The following ZNF831 variants were observed in gnomAD, a reference collection of about 807,000 sequenced individuals.
ZNF831 encodes the protein chromosome 20 open reading frame 174.
ZNF831 carries 59 observed loss-of-function variants against 95.8 expected under a neutral mutation model. That is an observed-to-expected ratio of 0.62 (90% CI 0.50 to 0.77). ZNF831 has a LOEUF of 0.77. ZNF831 is among the 30% of genes least tolerant of loss of function. The probability of loss-of-function intolerance (pLI) is 0.00; values close to 1 mark genes in which losing one functional copy is unlikely to be tolerated. For synonymous variants in ZNF831, 961 were observed against 925.5 expected, an observed-to-expected ratio of 1.04 and a Z score of -0.70; for missense variants, 2,205 against 2,164.0, an observed-to-expected ratio of 1.02 and a Z score of -0.38.
chr20:59,153,870 C>G (rs1568728446), intron 2 of ZNF831, among the ~76,000 whole-genome samples: 1 of 152,216 alleles, frequency 6.6e-6, no homozygotes, highest in African/African-American at 2.4e-5. Flanking sequence ...TTTTCATCTA[C>G]TCCTTCAAGG....
At chr20:59,147,213 G>A (rs541110797) in intron 2 of ZNF831, among the ~76,000 whole-genome samples, 1 of 152,344 alleles carries the variant, frequency 6.6e-6, no homozygotes, top group Admixed American at 6.5e-5. Context: ...GCAGTCAGGG[G>A]ATGAATCAGT....
chr20:59,132,441 A>G (rs1031936606), intron 1 of ZNF831, among the ~76,000 whole-genome samples: 5 of 152,146 alleles, frequency 3.3e-5, no homozygotes, highest in East Asian at 1.9e-4. Flanking sequence ...AAAGTTTACT[A>G]TTTCACATGC....
intron 1 of ZNF831, among the ~76,000 whole-genome samples, chr20:59,183,107 C>T (rs1212472195): frequency 6.6e-6 from 1 of 152,180 alleles, no homozygotes. Flanking sequence ...AGTTGGGGCA[C>T]CTGAGGGCTG....
chr20:59,211,785 G>A (rs1349806008), intron 4 of ZNF831, among the ~76,000 whole-genome samples: 1 of 151,692 alleles, frequency 6.6e-6, no homozygotes, highest in Non-Finnish European at 1.5e-5. Context: ...GACCTTGTGT[G>A]TGTGTGTGTG....
chr20:59,136,554 G>A (rs1014027885), intron 1 of ZNF831, among the ~76,000 whole-genome samples: 10 of 152,302 alleles, frequency 6.6e-5, no homozygotes, highest in African/African-American at 2.4e-4. Flanking sequence ...GCACCTGCAT[G>A]TTCATGTTTA....
intron 4 of ZNF831, among the ~76,000 whole-genome samples, chr20:59,251,241 T>C (rs1987871753): frequency 6.6e-6 from 1 of 152,194 alleles, no homozygotes; most frequent in African/African-American, 2.4e-5. Context: ...AAAGAATTGA[T>C]TGAGTGCCCA....
chr20:59,125,095 C>T lies in ZNF831; in HGVS notation c.-1425+1590C>T, dbSNP rs149937512. On this transcript the variant is annotated intron_variant, in intron 1 of 7. Transcript: ENST00000637017. ...GAGATGTCTCTTTTCTTTGGCTGGA[C>T]GTTATTAGGACTAGATGTGATGCCT... 8.5e-5 allele frequency among the ~76,000 whole-genome samples: 13 copies of T among 152,218 alleles called. No individual in the cohort carries two copies. The East Asian group carries it at 2.3e-3, about 27-fold the overall frequency.
At position 59,222,740 on chromosome 20, in the gene ZNF831, C is replaced by T. The variant is rs538336684; in HGVS notation, c.4027+15684C>T. Reference sequence around the variant, plus strand: ...CCGGCTCCCTCCTCGCTCCGCGGCGCAGCACGGCCTGGAGTCCGGTCTGGG... The same window carrying T: ...CCGGCTCCCTCCTCGCTCCGCGGCGTAGCACGGCCTGGAGTCCGGTCTGGG... On this transcript the variant is annotated intron_variant, in intron 4 of 5. Coordinates refer to ENST00000371030, the MANE Select transcript of ZNF831 (RefSeq NM_178457.3). Among the ~76,000 whole-genome samples the T allele has an allele frequency of 5.9e-5, 9 of 152,342 alleles. No homozygotes were observed. In the East Asian group the frequency reaches 1.7e-3, roughly 29 times the overall value.
rs2146541701 is a variant in ZNF831 at position 59,191,032 on chromosome 20, G to A, written c.13G>A (p.Glu5Lys). 2 of 1,484,986 alleles carry A rather than the reference G, an allele frequency of 1.3e-6. No homozygotes were observed. The allele number at this position is 1,484,986 out of a possible 1,614,324, so 92.0% of individuals were successfully genotyped here. ...CAGATGATGCGGAATGGAGGTTCCA[G>A]AACCCACCTGCCCTGCCCCTCCTGC... MEVP[E>K]PTCPAPPARD... The change falls in exon 2 of 6, where the codon GAA becomes AAA. Residue 5 changes from glutamate to lysine, a missense_variant. Coordinates refer to ENST00000371030, the MANE Select transcript of ZNF831 (RefSeq NM_178457.3).
intron 4 of ZNF831, among the ~76,000 whole-genome samples, chr20:59,220,746 G>T (rs977283764): frequency 6.6e-6 from 1 of 152,102 alleles, no homozygotes; most frequent in Non-Finnish European, 1.5e-5. Flanking sequence ...ACACTCCAAA[G>T]TCTCCTCAAC....
chr20:59,254,888 C>T lies in ZNF831; in HGVS notation c.*145C>T. On this transcript the variant is annotated 3_prime_UTR_variant, in exon 6 of 6. Coordinates refer to ENST00000371030, the MANE Select transcript of ZNF831 (RefSeq NM_178457.3). The surrounding 1 kb of genome is among the most constrained non-coding windows in gnomAD (Gnocchi z 4.5). Reference sequence around the variant, plus strand: ...ATTTTGAGTTATTTACAAGCCAACTCCAACCAACTTCTGACCCCCAACTCA... The same window carrying T: ...ATTTTGAGTTATTTACAAGCCAACTTCAACCAACTTCTGACCCCCAACTCA... 1 of 1,178,248 alleles carries T rather than the reference C, an allele frequency of 8.5e-7. No homozygotes were observed. Among genetic ancestry groups the T allele is most frequent in the South Asian group, 1.7e-5 (1 of 59,920 alleles). The allele number at this position is 1,178,248 out of a possible 1,614,324, so 73.0% of individuals were successfully genotyped here.
At chr20:59,230,904 CG>C (rs1323012407) in intron 4 of ZNF831, among the ~76,000 whole-genome samples, 1 of 152,180 alleles carries the variant, frequency 6.6e-6, no homozygotes, top group Middle Eastern at 3.2e-3. Context: ...AAATAACCAC[CG>C]GGTGAGAGCA....
rs893307948 is a variant in ZNF831 at position 59,194,630 on chromosome 20, C to G, written c.3611C>G (p.Ser1204Cys). The G allele has an allele frequency of 3.1e-6, 5 of 1,613,662 alleles. No homozygotes were observed. In the East Asian group the frequency reaches 1.1e-4, roughly 36 times the overall value. The change falls in exon 2 of 6, where the codon TCT (serine) becomes TGT (cysteine). Residue 1204 changes from serine (S) to cysteine (C), a missense_variant. Coordinates refer to ENST00000371030, the MANE Select transcript of ZNF831 (RefSeq NM_178457.3). ...LPAEQKAKAASVYLAVHFPGS... is the reference protein window; with the variant it reads ...LPAEQKAKAACVYLAVHFPGS... ...GCGGAGCAGAAGGCAAAGGCGGCAT[C>G]TGTGTACTTGGCGGTGCACTTTCCT...
chr20:59,232,993 G>GAC (rs1986805781), intron 4 of ZNF831, among the ~76,000 whole-genome samples: 1 of 97,906 alleles, frequency 1.0e-5, no homozygotes, highest in African/African-American at 4.0e-5. Flanking sequence ...AGGACCCTGA[G>GAC]GCACACACAC....
At chr20:59,207,172 G>C in intron 4 of ZNF831, 116 bp downstream of exon 4, 1 of 1,272,656 alleles carries the variant, frequency 7.9e-7, no homozygotes, top group South Asian at 1.5e-5. Context: ...CAGGGGTCAG[G>C]CCCAAAAGGG....
intron 3 of ZNF831, among the ~76,000 whole-genome samples, chr20:59,205,263 C>G (rs1280806740): frequency 6.6e-6 from 1 of 152,180 alleles, no homozygotes; most frequent in Non-Finnish European, 1.5e-5. Context: ...TTTGAAATCT[C>G]TCTCCACCCA....
At chr20:59,166,287 A>G (rs1404526355) in intron 1 of ZNF831, among the ~76,000 whole-genome samples, 2 of 152,200 alleles carry the variant, frequency 1.3e-5, no homozygotes, top group African/African-American at 4.8e-5. Context: ...ATGCTGCAGT[A>G]AATAACATTG....
chr20:59,222,791 G>A (rs745474747), intron 4 of ZNF831, among the ~76,000 whole-genome samples: 2 of 152,190 alleles, frequency 1.3e-5, no homozygotes. Flanking sequence ...CCCCAGACTC[G>A]TGCAATCAGG....
chr20:59,150,725 A>G (rs1980182523), intron 2 of ZNF831, among the ~76,000 whole-genome samples: 1 of 152,222 alleles, frequency 6.6e-6, no homozygotes, highest in Non-Finnish European at 1.5e-5. Context: ...TTTGTGGGCA[A>G]GGAGCTCTCC....
Sources: allele counts gnomAD v4.1 joint callset (sites outside exome capture counted in the v4.1 genomes callset), GRCh38; gene constraint gnomAD v4.1.1; non-coding constraint Gnocchi (gnomAD v3.1); transcripts MANE v1.5; gene names NCBI Gene and HGNC (gene_info 2026-07-23, HGNC 2026-07-21).